PACS2: variants seen among roughly 807,000 people sequenced by gnomAD.
The protein encoded by PACS2 is PACS1-like protein.
PACS2 carries 36 observed loss-of-function variants against 113.0 expected under a neutral mutation model. That is an observed-to-expected ratio of 0.32 (90% CI 0.24 to 0.42). The LOEUF (loss-of-function observed/expected upper bound fraction) is 0.42. Ranked by LOEUF, PACS2 falls within the 10% of genes least tolerant of loss-of-function variation. PACS2 has a pLI of 1.00. For missense variants in PACS2, 1,015 were observed against 1,239.5 expected, an observed-to-expected ratio of 0.82 and a Z score of 2.72; for synonymous variants, 589 against 536.1, an observed-to-expected ratio of 1.10 and a Z score of -1.36.
Position 105,395,633 on chromosome 14 carries a change from A to G in PACS2, c.*961A>G, listed in dbSNP as rs1223922021. 1 of 152,362 alleles carries G rather than the reference A, an allele frequency of 6.6e-6. No individual in the cohort carries two copies. Among genetic ancestry groups the G allele is most frequent in the Non-Finnish European group, 1.5e-5 (1 of 68,054 alleles). 9.4% of individuals were successfully genotyped at this position (152,362 alleles called of 1,614,324 possible). On this transcript the variant is annotated 3_prime_UTR_variant, in exon 25 of 25. Transcript: ENST00000447393. ...AGATGTGTTTGTGTCACCTGCTGCA[A>G]CGCTGTAGCCAATGAAGATTCCAGC...
In PACS2 at chr14:105,354,458, C is replaced by T. The variant is rs993749236; in HGVS notation, c.298-594C>T. Among the ~76,000 whole-genome samples, 1 of 152,154 alleles carries T rather than the reference C, an allele frequency of 6.6e-6. No individual in the cohort carries two copies. On this transcript the variant is annotated intron_variant, in intron 3 of 24. Coordinates refer to ENST00000447393, the MANE Select transcript of PACS2 (RefSeq NM_001100913.3). The surrounding 1 kb of genome is among the most constrained non-coding windows in gnomAD (Gnocchi z 4.2). ...GCATGCTCAGGCATGTCAGCACCAC[C>T]GCAGTTAGGGTGGTGAACAGCCCCA...
intron 19 of PACS2, 76 bp downstream of exon 19, chr14:105,385,793 T>C: frequency 1.1e-6 from 1 of 901,202 alleles, no homozygotes; most frequent in South Asian, 2.0e-5. Flanking sequence ...CAGAGTCACG[T>C]AGGAATCACC....
Position 105,390,931 on chromosome 14 carries a change from C to T in PACS2, c.2077-276C>T, listed in dbSNP as rs587770178. 9.1e-5 allele frequency: 48 copies of T among 527,114 alleles called. No homozygotes were observed. In the South Asian group the frequency reaches 1.1e-3, roughly 12 times the overall value. The allele number at this position is 527,114 out of a possible 1,614,324, so 32.7% of individuals were successfully genotyped here. ...TCACCAGCGTCCTGTTTTTACTGCA[C>T]ACATAGTTTGCAGCTGCCCTGAGGG... On this transcript the variant is annotated intron_variant, in intron 20 of 24. Transcript: ENST00000447393.
intron 1 of PACS2, among the ~76,000 whole-genome samples, chr14:105,306,888 G>A (rs1396079915): frequency 6.6e-6 from 1 of 152,174 alleles, no homozygotes; most frequent in Non-Finnish European, 1.5e-5. Flanking sequence ...TTACAGGCGT[G>A]AGCCACCGTG....
At chr14:105,308,241 G>A (rs1204177442) in intron 1 of PACS2, among the ~76,000 whole-genome samples, 2 of 152,054 alleles carry the variant, frequency 1.3e-5, no homozygotes, top group African/African-American at 4.8e-5. Flanking sequence ...CAGCACTTTG[G>A]GAGGCTGAGG....
At position 105,367,412 on chromosome 14, in the gene PACS2, G is replaced by T. The variant is rs781938497; in HGVS notation, c.586+37G>T. On this transcript the variant is annotated intron_variant, in intron 5 of 24. Transcript: ENST00000447393. ...GCCAGCCCGCTCCTGCCCCTGCTGT[G>T]GGGAGGCCCTGCCTTCCAGCCATGG... The T allele has an allele frequency of 7.5e-6, 12 of 1,598,864 alleles. No homozygotes were observed. The Admixed American group carries it at 2.0e-4, about 27-fold the overall frequency.
At chr14:105,326,806 A>G (rs2059127303) in intron 1 of PACS2, among the ~76,000 whole-genome samples, 2 of 152,142 alleles carry the variant, frequency 1.3e-5, no homozygotes, top group Admixed American at 6.5e-5. Context: ...CCCTGCGGCC[A>G]GGACTCTACT....
At chr14:105,328,512 C>G (rs1409596853) in intron 1 of PACS2, among the ~76,000 whole-genome samples, 1 of 152,236 alleles carries the variant, frequency 6.6e-6, no homozygotes, top group East Asian at 1.9e-4. Context: ...GGCCCAGAGG[C>G]TGCTCTCGAG....
intron 2 of PACS2, among the ~76,000 whole-genome samples, chr14:105,349,877 C>CGT (rs2060093816): frequency 7.1e-6 from 1 of 140,356 alleles, no homozygotes; most frequent in African/African-American, 2.9e-5. Context: ...TCCAGGAGAG[C>CGT]GTGGCTAATA....
At position 105,337,770 on chromosome 14, in the gene PACS2, C is replaced by T. The variant is rs370446305; in HGVS notation, c.120-10723C>T. Among the ~76,000 whole-genome samples, 246 of 152,328 alleles carry T rather than the reference C, an allele frequency of 1.6e-3. 1 individual carries two copies. Among genetic ancestry groups the T allele is most frequent in the African/African-American group, 5.6e-3 (232 of 41,588 alleles). Reference sequence around the variant, plus strand: ...CCTGAGATCCTGTCCCACCCCTGGACAAGGGCCTCTGTGCCTCTGAACAAA... The same window carrying T: ...CCTGAGATCCTGTCCCACCCCTGGATAAGGGCCTCTGTGCCTCTGAACAAA... On this transcript the variant is annotated intron_variant, in intron 1 of 24. Coordinates refer to ENST00000447393, the MANE Select transcript of PACS2 (RefSeq NM_001100913.3).
rs1566955123 is a variant in PACS2 at position 105,376,581 on chromosome 14, ACCGGGGGTCCTCGGTGATCATCC to A, written c.802-185_802-163del. On this transcript the variant is annotated intron_variant, in intron 8 of 24. Coordinates refer to ENST00000447393, the MANE Select transcript of PACS2 (RefSeq NM_001100913.3). This position sits in a 1 kb window ranked among gnomAD's most constrained non-coding sequence, Gnocchi z 4.7. Reference sequence around the variant, plus strand: ...ATGCCACACGCACCGGTACCTGGGGACCGGGGGTCCTCGGTGATCATCCCGAGCTCCAAGACAGAAGCTGGACT... The same window carrying A: ...ATGCCACACGCACCGGTACCTGGGGACGAGCTCCAAGACAGAAGCTGGACT... Among the ~76,000 whole-genome samples, 3 of 152,052 alleles carry A rather than the reference ACCGGGGGTCCTCGGTGATCATCC, an allele frequency of 2.0e-5. No homozygotes were observed. Among genetic ancestry groups the A allele is most frequent in the African/African-American group, 7.2e-5 (3 of 41,402 alleles).
chr14:105,348,627 T>C lies in PACS2; in HGVS notation c.207+47T>C. The C allele has an allele frequency of 7.3e-7, 1 of 1,363,424 alleles. No individual in the cohort carries two copies. The highest frequency in any genetic ancestry group is 1.0e-6 in the Non-Finnish European group (1 of 956,246). The allele number at this position is 1,363,424 out of a possible 1,614,324, so 84.5% of individuals were successfully genotyped here. On this transcript the variant is annotated intron_variant, in intron 2 of 24. Coordinates refer to ENST00000447393, the MANE Select transcript of PACS2 (RefSeq NM_001100913.3). This position sits in a 1 kb window ranked among gnomAD's most constrained non-coding sequence, Gnocchi z 6.4. ...GCTGTGGCTGGGTGCTGTGTAGGCT[T>C]TCCATGTGCCTGGGAGACGAGTCAG...
At chr14:105,374,141 C>T (rs782262262) in intron 8 of PACS2, among the ~76,000 whole-genome samples, 34 of 145,052 alleles carry the variant, frequency 2.3e-4, no homozygotes, top group African/African-American at 6.8e-4. Flanking sequence ...GGCGACACAG[C>T]GAGACTCTGT....
intron 20 of PACS2, chr14:105,390,318 C>A: frequency 2.4e-6 from 1 of 417,056 alleles, no homozygotes; most frequent in Non-Finnish European, 4.5e-6. Flanking sequence ...GAGAGACTGC[C>A]TGCCCGGGTT....
At chr14:105,321,288 A>G (rs140110488) in intron 1 of PACS2, among the ~76,000 whole-genome samples, 9 of 152,210 alleles carry the variant, frequency 5.9e-5, no homozygotes, top group Non-Finnish European at 1.3e-4. Context: ...TTTGTCTACT[A>G]GAAATGTATG....
At chr14:105,334,934 G>C (rs2059453556) in intron 1 of PACS2, among the ~76,000 whole-genome samples, 1 of 152,252 alleles carries the variant, frequency 6.6e-6, no homozygotes, top group Non-Finnish European at 1.5e-5. Context: ...CATGGGGTGG[G>C]GTTCCCCTCC....
intron 1 of PACS2, among the ~76,000 whole-genome samples, chr14:105,320,998 C>CA (rs2058864802): frequency 6.6e-6 from 1 of 152,148 alleles, no homozygotes; most frequent in Non-Finnish European, 1.5e-5. Context: ...ACTAAACATA[C>CA]AAAAATTAGC....
At chr14:105,391,804 C>G in intron 22 of PACS2, 38 bp downstream of exon 22, 1 of 1,551,268 alleles carries the variant, frequency 6.4e-7, no homozygotes, top group Non-Finnish European at 8.7e-7. Flanking sequence ...TTCACTTACC[C>G]GCCCCACCAC....
At chr14:105,346,470 C>A (rs1471978824) in intron 1 of PACS2, among the ~76,000 whole-genome samples, 3 of 143,828 alleles carry the variant, frequency 2.1e-5, no homozygotes, top group African/African-American at 5.2e-5. Context: ...GCTCCCCCAC[C>A]CCCGCCCACA....
Sources: allele counts gnomAD v4.1 joint callset (sites outside exome capture counted in the v4.1 genomes callset), GRCh38; gene constraint gnomAD v4.1.1; non-coding constraint Gnocchi (gnomAD v3.1); transcripts MANE v1.5; gene names NCBI Gene and HGNC (gene_info 2026-07-23, HGNC 2026-07-21).